Variants in SLC5A8 observed in about 807,000 individuals in gnomAD.
SLC5A8 encodes the protein solute carrier family 5 member 8.
A neutral mutation model predicts 71.9 loss-of-function variants in SLC5A8; 55 were observed. The ratio of observed to expected loss-of-function variants is 0.77; its 90% CI spans 0.62 to 0.96. The LOEUF (loss-of-function observed/expected upper bound fraction) is 0.96, where lower values mean the gene tolerates loss of function less well. Among genes scored for constraint, SLC5A8 ranks in the 40% least tolerant of loss-of-function variants. SLC5A8 has a pLI of 0.00. For synonymous variants in SLC5A8, 307 were observed against 276.1 expected, an observed-to-expected ratio of 1.11 and a Z score of -1.11; for missense variants, 701 against 745.3, an observed-to-expected ratio of 0.94 and a Z score of 0.69.
At chr12:101,192,495 C>T (rs1438130068) in intron 5 of SLC5A8, among the ~76,000 whole-genome samples, 1 of 152,148 alleles carries the variant, frequency 6.6e-6, no homozygotes, top group Non-Finnish European at 1.5e-5. Flanking sequence ...CATGGGTTGT[C>T]CCTTTCCATA....
intron 12 of SLC5A8, 85 bp downstream of exon 12, chr12:101,166,409 T>C: frequency 8.5e-7 from 1 of 1,171,034 alleles, no homozygotes. Flanking sequence ...ATCACAGTGT[T>C]GTAAGCAAGA....
intron 8 of SLC5A8, 74 bp from the exon 9 acceptor site, chr12:101,182,989 G>C (rs1868435189): frequency 1.5e-6 from 1 of 654,424 alleles, no homozygotes; most frequent in African/African-American, 2.0e-5. Context: ...ATGAGAAAGG[G>C]GGAAACAAAT....
At chr12:101,203,651 G>C (rs1052383860) in intron 2 of SLC5A8, among the ~76,000 whole-genome samples, 4 of 152,272 alleles carry the variant, frequency 2.6e-5, no homozygotes, top group Middle Eastern at 3.4e-3. Context: ...CTGGCCCTTA[G>C]GTAGCTTTTG....
chr12:101,177,440 T>TACACACAC (rs1566312307), intron 10 of SLC5A8, among the ~76,000 whole-genome samples: 1 of 120,904 alleles, frequency 8.3e-6, no homozygotes, highest in Admixed American at 8.0e-5. Flanking sequence ...CCAAAGGCAG[T>TACACACAC]ATATACACAC....
chr12:101,194,067 C>T (rs1405117107), intron 4 of SLC5A8, among the ~76,000 whole-genome samples: 1 of 152,178 alleles, frequency 6.6e-6, no homozygotes, highest in African/African-American at 2.4e-5. Context: ...GGGCCAGATA[C>T]ATTCCACAGA....
intron 1 of SLC5A8, among the ~76,000 whole-genome samples, chr12:101,204,871 G>A (rs1408137030): frequency 6.6e-6 from 1 of 151,968 alleles, no homozygotes. Flanking sequence ...CTTCTCCCCC[G>A]CCAAACCCTA....
At chr12:101,168,224 C>A (rs372349430) in intron 10 of SLC5A8, 42 bp from the exon 11 acceptor site, 3 of 1,527,754 alleles carry the variant, frequency 2.0e-6, no homozygotes, top group Non-Finnish European at 2.7e-6. Context: ...AATCTCAAAT[C>A]GAAACTCAAA....
chr12:101,185,270 T>G (rs941133120), intron 7 of SLC5A8, among the ~76,000 whole-genome samples: 1 of 152,198 alleles, frequency 6.6e-6, no homozygotes, highest in Non-Finnish European at 1.5e-5. Context: ...CAAGACCCAA[T>G]TTTTCCAAGA....
Position 101,166,598 on chromosome 12 carries a change from G to A in SLC5A8, c.1422C>T (p.His474=), listed in dbSNP as rs2051773059. ...TGCTGTTACAGCCTTGGATATCAAGGTGCAATGGCAATGTTCTCTCAGGAA... is the reference window on the plus strand; with the variant it reads ...TGCTGTTACAGCCTTGGATATCAAGATGCAATGGCAATGTTCTCTCAGGAA... ...PPLPERTLPL[H]LDIQGCNSTY... The change falls in exon 12 of 15, where the codon CAC becomes CAT. Residue 474 remains histidine (H), a synonymous_variant. Coordinates refer to ENST00000536262, the MANE Select transcript of SLC5A8 (RefSeq NM_145913.5). 8 of 1,613,966 alleles carry A rather than the reference G, an allele frequency of 5.0e-6. No homozygotes were observed. The highest frequency in any genetic ancestry group is 6.8e-6 in the Non-Finnish European group (8 of 1,179,950).
Position 101,202,202 on chromosome 12 carries a change from C to T in SLC5A8, c.431G>A (p.Gly144Glu). ...LFIVQTILYT[G>E]IVIYAPALAL... ...CAGGGCAGGGGCATAAATAACAATT[C>T]CAGTATACAGAATCTAGGGGGGAGA... is the stretch of plus-strand genomic sequence containing the variant. Residue 144 changes from glycine to glutamate, a missense_variant, in exon 3 of 15, where the codon GGA becomes GAA. Coordinates refer to ENST00000536262, the MANE Select transcript of SLC5A8 (RefSeq NM_145913.5). 6.2e-7 allele frequency: 1 copy of T among 1,603,938 alleles called. No individual in the cohort carries two copies. The highest frequency in any genetic ancestry group is 8.5e-7 in the Non-Finnish European group (1 of 1,175,730).
Position 101,210,050 on chromosome 12 carries a change from C to T in SLC5A8, c.-202G>A. Reference sequence around the variant, plus strand: ...GCAGTCGCCCCTGCACCCGCCGCTGCGAGCCGCGCCCCTCAAACCCAGGTA... The same window carrying T: ...GCAGTCGCCCCTGCACCCGCCGCTGTGAGCCGCGCCCCTCAAACCCAGGTA... On this transcript the variant is annotated 5_prime_UTR_variant, in exon 1 of 15. Transcript: ENST00000536262. The T allele has an allele frequency of 2.1e-6, 1 of 486,974 alleles. No individual in the cohort carries two copies. Among genetic ancestry groups the T allele is most frequent in the South Asian group, 4.1e-5 (1 of 24,124 alleles). The allele number at this position is 486,974 out of a possible 1,614,324, so 30.2% of individuals were successfully genotyped here. A position where few individuals can be genotyped will look rare whatever the true frequency, so the allele number is the denominator to read the frequency against.
chr12:101,165,957 C>T (rs913974986), intron 12 of SLC5A8, among the ~76,000 whole-genome samples: 8 of 152,188 alleles, frequency 5.3e-5, no homozygotes, highest in African/African-American at 1.9e-4. Context: ...AATCAGACAA[C>T]TTCAGCATTT....
chr12:101,187,239 A>G lies in SLC5A8; in HGVS notation c.963+147T>C, dbSNP rs548791129. 7 of 905,598 alleles carry G rather than the reference A, an allele frequency of 7.7e-6. No individual in the cohort carries two copies. The East Asian group carries it at 2.0e-4, about 26-fold the overall frequency. 56.1% of individuals were successfully genotyped at this position (905,598 alleles called of 1,614,324 possible). A position where few individuals can be genotyped will look rare whatever the true frequency, so the allele number is the denominator to read the frequency against. Reference sequence around the variant, plus strand: ...ATTCTTGCTATATCTGCTAAAATAAATTCTTAACAAAGTTTTATAGAAATG... The same window carrying G: ...ATTCTTGCTATATCTGCTAAAATAAGTTCTTAACAAAGTTTTATAGAAATG... On this transcript the variant is annotated intron_variant, in intron 7 of 14. Transcript: ENST00000536262.
intron 12 of SLC5A8, among the ~76,000 whole-genome samples, chr12:101,162,626 G>A (rs1418886114): frequency 6.6e-6 from 1 of 152,124 alleles, no homozygotes; most frequent in Non-Finnish European, 1.5e-5. Context: ...CATTATCCAA[G>A]CAAATTAATG....
At chr12:101,188,583 C>A (rs1868763789) in intron 6 of SLC5A8, among the ~76,000 whole-genome samples, 1 of 152,162 alleles carries the variant, frequency 6.6e-6, no homozygotes, top group African/African-American at 2.4e-5. Context: ...CCCTTTGAGG[C>A]CTCTGTTCAG....
intron 11 of SLC5A8, among the ~76,000 whole-genome samples, chr12:101,167,048 C>T (rs945870382): frequency 2.0e-5 from 3 of 151,850 alleles, no homozygotes; most frequent in African/African-American, 4.8e-5. Context: ...TCCGTTACCG[C>T]CCCCAGAAAA....
chr12:101,199,697 C>T (rs1021817704), intron 3 of SLC5A8, among the ~76,000 whole-genome samples: 13 of 151,688 alleles, frequency 8.6e-5, no homozygotes, highest in African/African-American at 2.9e-4. Flanking sequence ...TCACATATTG[C>T]GTAGTGGACA....
Position 101,209,540 on chromosome 12 carries a change from G to A in SLC5A8, c.309C>T (p.Phe103=). The A allele has an allele frequency of 6.2e-7, 1 of 1,613,642 alleles. No homozygotes were observed. The highest frequency in any genetic ancestry group is 8.5e-7 in the Non-Finnish European group (1 of 1,179,810). ...FFVVVISAEV[F]LPVFYKLGIT... is the part of the protein sequence containing the mutation. ...TTCCCAGTTTGTAGAACACCGGGAG[G>A]AAGACCTCCGCGCTGATGACCACCA... Residue 103 remains phenylalanine (F), a synonymous_variant, in exon 1 of 15, where the codon TTC becomes TTT. Coordinates refer to ENST00000536262, the MANE Select transcript of SLC5A8 (RefSeq NM_145913.5).
intron 2 of SLC5A8, 147 bp downstream of exon 2, chr12:101,204,353 G>A (rs988169558): frequency 9.0e-5 from 61 of 679,376 alleles, no homozygotes; most frequent in Admixed American, 1.5e-4. Flanking sequence ...ATGCTGTACA[G>A]TGACAAGTGT....
Sources: allele counts gnomAD v4.1 joint callset (sites outside exome capture counted in the v4.1 genomes callset), GRCh38; gene constraint gnomAD v4.1.1; transcripts MANE v1.5; gene names NCBI Gene and HGNC (gene_info 2026-07-23, HGNC 2026-07-21).